The following TMEM163 variants were observed in gnomAD, a reference collection of about 807,000 sequenced individuals.
TMEM163 encodes transmembrane protein 163.
A neutral mutation model predicts 29.3 loss-of-function variants in TMEM163; 17 were observed. The observed-to-expected ratio is 0.58, with a 90% CI of 0.40 to 0.87. The LOEUF (loss-of-function observed/expected upper bound fraction) is 0.87. TMEM163 is among the 40% of genes least tolerant of loss of function. The pLI is 0.00. For missense variants in TMEM163, 303 were observed against 381.5 expected, an observed-to-expected ratio of 0.79 and a Z score of 1.71; for synonymous variants, 157 against 160.6, an observed-to-expected ratio of 0.98 and a Z score of 0.17.
At chr2:134,657,267 T>G (rs1683642244) in intron 2 of TMEM163, among the ~76,000 whole-genome samples, 1 of 152,240 alleles carries the variant, frequency 6.6e-6, no homozygotes, top group African/African-American at 2.4e-5. Context: ...TGATTCAATT[T>G]CAGAACTCAA....
chr2:134,555,158 G>C (rs1681020781), intron 2 of TMEM163, among the ~76,000 whole-genome samples: 1 of 152,198 alleles, frequency 6.6e-6, no homozygotes, highest in Non-Finnish European at 1.5e-5. Context: ...TCTGAAGAGT[G>C]TCAAGTAGTA....
Position 134,525,025 on chromosome 2 carries a change from A to G in TMEM163, c.459-22028T>C, listed in dbSNP as rs112563036. 3.3e-3 allele frequency among the ~76,000 whole-genome samples: 506 copies of G among 152,162 alleles called. 12 individuals carry two copies. The highest frequency in any genetic ancestry group is 0.012 in the African/African-American group (482 of 41,448). On this transcript the variant is annotated intron_variant, in intron 4 of 7. Transcript: ENST00000281924. ...TTCCTATTTCTCCACAGCCTCGCCA[A>G]CATCTGTTGTTTCTTGACTTTTTAA...
intron 2 of TMEM163, among the ~76,000 whole-genome samples, chr2:134,613,919 G>A (rs1558965053): frequency 6.6e-6 from 1 of 152,078 alleles, no homozygotes; most frequent in Non-Finnish European, 1.5e-5. Flanking sequence ...TTATTTATAG[G>A]TCTAATTCAG....
intron 4 of TMEM163, among the ~76,000 whole-genome samples, chr2:134,535,269 A>AACAC (rs368488266): frequency 6.6e-6 from 1 of 151,838 alleles, no homozygotes; most frequent in African/African-American, 2.4e-5. Flanking sequence ...TCTCACTGAA[A>AACAC]ACACACACAC....
rs1277735405 is a variant in TMEM163 at position 134,655,342 on chromosome 2, G to T, written c.322+57858C>A. Among the ~76,000 whole-genome samples the T allele has an allele frequency of 1.0e-3, 113 of 112,644 alleles. 13 individuals are homozygous for T. In the South Asian group the frequency reaches 0.033, roughly 32 times the overall value. 73.9% of individuals were successfully genotyped at this position (112,644 alleles called of 152,430 possible). ...CCCTTTCTTCCAGTTGATCGCATCA[G>T]CTCCTGAGGCTTCTGCATTCTTCAC... On this transcript the variant is annotated intron_variant, in intron 2 of 7. Coordinates refer to ENST00000281924, the MANE Select transcript of TMEM163 (RefSeq NM_030923.5).
chr2:134,469,793 G>C (rs570360679), intron 5 of TMEM163: 1 of 152,570 alleles, frequency 6.6e-6, no homozygotes, highest in African/African-American at 2.4e-5. Context: ...TCTGCAGGAT[G>C]CCCAATGTCA....
intron 2 of TMEM163, among the ~76,000 whole-genome samples, chr2:134,662,529 G>A (rs1184379097): frequency 1.3e-5 from 2 of 151,934 alleles, no homozygotes; most frequent in Non-Finnish European, 2.9e-5. Flanking sequence ...TTCAAAATAT[G>A]TATACAGGAA....
In TMEM163 at chr2:134,718,922, G is replaced by A; in HGVS notation, c.14C>T (p.Ala5Val). 2 of 1,058,792 alleles carry A rather than the reference G, an allele frequency of 1.9e-6. No homozygotes were observed. Among genetic ancestry groups the A allele is most frequent in the Non-Finnish European group, 2.3e-6 (2 of 879,340 alleles). 65.6% of individuals were successfully genotyped at this position (1,058,792 alleles called of 1,614,324 possible). A position where few individuals can be genotyped will look rare whatever the true frequency, so the allele number is the denominator to read the frequency against. MEPA[A>V]GIQRRSSQGP... ...CTGGGAGCTGCGGCGCTGGATGCCC[G>A]CGGCCGGCTCCATGGCGCGGGGCTG... The change falls in exon 1 of 8, where the codon GCG becomes GTG. Residue 5 changes from alanine to valine, a missense_variant. Around this residue, in one of 2 missense-constraint regions of TMEM163, gnomAD observed 100 missense variants for 87.2 expected, o/e 1.15. Coordinates refer to ENST00000281924, the MANE Select transcript of TMEM163 (RefSeq NM_030923.5).
chr2:134,490,128 A>C (rs1445328686), intron 5 of TMEM163, among the ~76,000 whole-genome samples: 1 of 152,230 alleles, frequency 6.6e-6, no homozygotes, highest in Non-Finnish European at 1.5e-5. Flanking sequence ...AAAGAATTAT[A>C]ATGCAGTGTG....
Position 134,511,650 on chromosome 2 carries a change from G to A in TMEM163, c.459-8653C>T, listed in dbSNP as rs150897516. Among the ~76,000 whole-genome samples the A allele has an allele frequency of 3.3e-4, 51 of 152,352 alleles. No homozygotes were observed. The East Asian group carries it at 8.9e-3, about 26-fold the overall frequency. The stretch of plus-strand genomic sequence containing the variant: ...CTCCCATGAGATCCAAGGCAGACTG[G>A]CCGGAATTCAGTGCATTCCAGCTGC... On this transcript the variant is annotated intron_variant, in intron 4 of 7. Transcript: ENST00000281924.
chr2:134,619,889 C>T (rs1682692139), intron 2 of TMEM163, among the ~76,000 whole-genome samples: 1 of 152,110 alleles, frequency 6.6e-6, no homozygotes, highest in African/African-American at 2.4e-5. Context: ...TTTCTATATA[C>T]CAGCAATGTA....
At position 134,466,111 on chromosome 2, in the gene TMEM163, C is replaced by T; in HGVS notation, c.667+3G>A. ...AGAGATTAGGCACCCTGGCCTTACT[C>T]ACCATCTGTTATGAGTGCTCTACTG... On this transcript the variant is annotated splice_donor_region_variant and intron_variant, in intron 6 of 7. Coordinates refer to ENST00000281924, the MANE Select transcript of TMEM163 (RefSeq NM_030923.5). The T allele has an allele frequency of 6.2e-7, 1 of 1,610,488 alleles. No homozygotes were observed. The highest frequency in any genetic ancestry group is 8.5e-7 in the Non-Finnish European group (1 of 1,178,196).
At chr2:134,669,080 C>T (rs1378662160) in intron 2 of TMEM163, among the ~76,000 whole-genome samples, 1 of 152,232 alleles carries the variant, frequency 6.6e-6, no homozygotes, top group Non-Finnish European at 1.5e-5. Flanking sequence ...GAGCCTGGGG[C>T]TGCTCCCCCT....
chr2:134,664,038 C>G (rs1025210729), intron 2 of TMEM163, among the ~76,000 whole-genome samples: 1 of 152,236 alleles, frequency 6.6e-6, no homozygotes, highest in Non-Finnish European at 1.5e-5. Context: ...CATGCCTCTC[C>G]TCCTCCCATC....
intron 2 of TMEM163, among the ~76,000 whole-genome samples, chr2:134,687,163 GA>G (rs1289809543): frequency 6.6e-6 from 1 of 152,186 alleles, no homozygotes; most frequent in African/African-American, 2.4e-5. Flanking sequence ...AAATGTGTGA[GA>G]CCCAGGAAGA....
In TMEM163 at chr2:134,602,105, G is replaced by A. The variant is rs191887474; in HGVS notation, c.323-50014C>T. ...TAAATGGAGGATGAACGTGGTTAAG[G>A]TCTCATTTGAACAAGCTGAGTCTGA... On this transcript the variant is annotated intron_variant, in intron 2 of 7. Transcript: ENST00000281924. Among the ~76,000 whole-genome samples the A allele has an allele frequency of 2.3e-3, 357 of 152,298 alleles. 4 individuals are homozygous for A. In the Middle Eastern group the frequency reaches 0.031, roughly 13 times the overall value.
At chr2:134,696,010 C>T (rs1684571851) in intron 2 of TMEM163, among the ~76,000 whole-genome samples, 2 of 148,872 alleles carry the variant, frequency 1.3e-5, no homozygotes, top group African/African-American at 5.0e-5. Flanking sequence ...GAGATCATGC[C>T]ATTGCACTCC....
At chr2:134,461,443 A>T (rs77977440) in intron 6 of TMEM163, among the ~76,000 whole-genome samples, 1 of 152,122 alleles carries the variant, frequency 6.6e-6, no homozygotes, top group South Asian at 2.1e-4. Flanking sequence ...TGTAGGACTG[A>T]AGCTGTGCCC....
At chr2:134,465,569 C>T (rs1239068839) in intron 6 of TMEM163, among the ~76,000 whole-genome samples, 2 of 152,188 alleles carry the variant, frequency 1.3e-5, no homozygotes, top group African/African-American at 2.4e-5. Context: ...TCCCAAAGGT[C>T]ATAAAGAAAG....
Sources: gnomAD v4.1 joint callset for allele counts (sites outside exome capture counted in the v4.1 genomes callset) on GRCh38, gnomAD v4.1.1 for gene constraint, gnomAD v4.1.1 regional missense constraint, MANE v1.5 for transcripts, NCBI Gene and HGNC (gene_info 2026-07-23, HGNC 2026-07-21) for gene names.